The following BUB1 variants were observed in gnomAD, a reference collection of about 807,000 sequenced individuals.
BUB1 encodes the protein mitotic checkpoint serine/threonine-protein kinase BUB1.
A neutral mutation model predicts 135.2 loss-of-function variants in BUB1; 84 were observed. The ratio of observed to expected loss-of-function variants is 0.62; its 90% CI spans 0.52 to 0.74. BUB1 has a LOEUF of 0.74. Ranked by LOEUF, BUB1 falls within the 30% of genes least tolerant of loss-of-function variation. The pLI, the probability that BUB1 is intolerant of heterozygous loss-of-function variation, is 0.00. For synonymous variants in BUB1, 403 were observed against 434.4 expected (o/e 0.93, Z 0.90); for missense variants, 1,162 against 1,288.3 (o/e 0.90, Z 1.50).
In BUB1 at chr2:110,638,159, C is replaced by A; in HGVS notation, c.3063G>T (p.Arg1021Ser). 4.4e-6 allele frequency: 7 copies of A among 1,585,954 alleles called. No homozygotes were observed. The highest frequency in any genetic ancestry group is 1.2e-5 in the South Asian group (1 of 86,336). Reference sequence around the variant, plus strand: ...CATTCCACATATCCAAATGAGGAAGCCTGAAAAAGACAAAGCATAAATAAT... The same window carrying A: ...CATTCCACATATCCAAATGAGGAAGACTGAAAAAGACAAAGCATAAATAAT... ...GECKPEGLFR[R>S]LPHLDMWNEF... is the part of the protein sequence containing the mutation. Residue 1021 changes from arginine to serine, a missense_variant and splice_region_variant, in exon 25 of 25, where the codon AGG (arginine) becomes AGT (serine). Physicochemically the swap from Arg to Ser is moderately radical, Grantham distance 110. Transcript: ENST00000302759.
In BUB1 at chr2:110,637,571, G is replaced by C. The variant is rs148892328; in HGVS notation, c.*393C>G. 1,652 of 150,940 alleles carry C rather than the reference G, an allele frequency of 0.011. 116 individuals carry two copies. The highest frequency in any genetic ancestry group is 0.1 in the Admixed American group (1,457 of 14,304). The allele number at this position is 150,940 out of a possible 1,614,324, so 9.4% of individuals were successfully genotyped here. On this transcript the variant is annotated 3_prime_UTR_variant, in exon 25 of 25. Coordinates refer to ENST00000302759, the MANE Select transcript of BUB1 (RefSeq NM_004336.5). Reference sequence around the variant, plus strand: ...TATTCATAAAAACTTGAAGTCCCTTGGAAATGTTAGGGAAGTGTGTGTGTG... The same window carrying C: ...TATTCATAAAAACTTGAAGTCCCTTCGAAATGTTAGGGAAGTGTGTGTGTG...
rs747685408 is a variant in BUB1 at position 110,657,579 on chromosome 2, T to C, written c.1583A>G (p.His528Arg). The change falls in exon 14 of 25, where the codon CAT (histidine) becomes CGT (arginine). Residue 528 changes from histidine (H) to arginine (R), a missense_variant. By Grantham distance (29) the His-to-Arg change is conservative. Transcript: ENST00000302759. ...TTCTTTGTTTCCATCTTCAAACACA[T>C]GAAAAGCAGATGACAAAGAAGAGAT... Reference protein sequence around the residue: ...KIISSLSSAFHVFEDGNKENY... With the variant: ...KIISSLSSAFRVFEDGNKENY... 3 of 1,608,610 alleles carry C rather than the reference T, an allele frequency of 1.9e-6. No individual in the cohort carries two copies. The highest frequency in any genetic ancestry group is 2.5e-6 in the Non-Finnish European group (3 of 1,177,474).
At position 110,641,652 on chromosome 2, in the gene BUB1, C is replaced by T; in HGVS notation, c.2615G>A (p.Gly872Glu). ...AAAATGAATACTTACTAATAATGTT[C>T]CATAGCTGTAGAGCTCTCCTACTAA... ...SVLVGELYSY[G>E]TLLNAINLYK... The change falls in exon 21 of 25, where the codon GGA (glycine) becomes GAA (glutamate). Residue 872 changes from glycine to glutamate, a missense_variant. Coordinates refer to ENST00000302759, the MANE Select transcript of BUB1 (RefSeq NM_004336.5). 2 of 1,610,640 alleles carry T rather than the reference C, an allele frequency of 1.2e-6. No homozygotes were observed. The highest frequency in any genetic ancestry group is 2.2e-5 in the South Asian group (2 of 90,304).
At chr2:110,670,592 CA>C (rs1471720223) in intron 4 of BUB1, 24 bp from the exon 5 acceptor site, 2 of 1,611,872 alleles carry the variant, frequency 1.2e-6, no homozygotes, top group African/African-American at 2.7e-5. Context: ...GAAAAGGCAT[CA>C]ATGTAGATTA....
At chr2:110,663,258 C>A (rs1017860570) in intron 9 of BUB1, among the ~76,000 whole-genome samples, 2 of 151,734 alleles carry the variant, frequency 1.3e-5, no homozygotes, top group African/African-American at 4.8e-5. Context: ...CCAGCCTGGG[C>A]GATAGTGGGA....
intron 9 of BUB1, 160 bp from the exon 10 acceptor site, chr2:110,662,001 A>C (rs1690113523): frequency 1.2e-6 from 1 of 820,766 alleles, no homozygotes; most frequent in African/African-American, 1.7e-5. Context: ...TGAAATGTAC[A>C]GTCAACAACA....
chr2:110,642,973 T>C (rs1457830429), intron 19 of BUB1, among the ~76,000 whole-genome samples: 1 of 152,126 alleles, frequency 6.6e-6, no homozygotes, highest in Non-Finnish European at 1.5e-5. Context: ...ATTACAGGAG[T>C]GAGCTAACAC....
At position 110,667,549 on chromosome 2, in the gene BUB1, G is replaced by A. The variant is rs983414854; in HGVS notation, c.777C>T (p.Tyr259=). The A allele has an allele frequency of 6.8e-6, 11 of 1,613,446 alleles. No homozygotes were observed. Among genetic ancestry groups the A allele is most frequent in the Non-Finnish European group, 8.5e-6 (10 of 1,179,830 alleles). The change falls in exon 8 of 25, where the codon TAC becomes TAT. Residue 259 remains tyrosine (Y), a synonymous_variant. Transcript: ENST00000302759. Reference sequence around the variant, plus strand: ...ATTGCTCATGCTTTCTCCGTTGATTGTATTTCTGGGCTCTCAATTCTTCAA... The same window carrying A: ...ATTGCTCATGCTTTCTCCGTTGATTATATTTCTGGGCTCTCAATTCTTCAA... ...FSFEELRAQK[Y]NQRRKHEQWV... is the part of the protein sequence containing the mutation.
chr2:110,671,042 T>G (rs1186185504), intron 4 of BUB1, among the ~76,000 whole-genome samples: 1 of 152,218 alleles, frequency 6.6e-6, no homozygotes, highest in African/African-American at 2.4e-5. Flanking sequence ...TCATGGCATA[T>G]TTCATTTTCA....
At chr2:110,649,106 G>C in intron 19 of BUB1, 128 bp downstream of exon 19, 1 of 845,382 alleles carries the variant, frequency 1.2e-6, no homozygotes, top group South Asian at 2.3e-5. Context: ...TAGTATTACA[G>C]ATACAACTCC....
rs541987162 is a variant in BUB1, at chr2:110,644,984, G to A, written c.2348-2750C>T. On this transcript the variant is annotated intron_variant, in intron 19 of 24. Transcript: ENST00000302759. The stretch of plus-strand genomic sequence containing the variant: ...ATGAAAGAACTCAAAATCAGAGAAG[G>A]AAGAAAGAGAATAGCAGACAAAGAA... Among the ~76,000 whole-genome samples, 26 of 152,226 alleles carry A rather than the reference G, an allele frequency of 1.7e-4. No individual in the cohort carries two copies. In the South Asian group the frequency reaches 5.2e-3, roughly 30 times the overall value.
In BUB1 at chr2:110,666,424, A is replaced by G; in HGVS notation, c.806-10T>C. 7.3e-7 allele frequency: 1 copy of G among 1,374,540 alleles called. No individual in the cohort carries two copies. Among genetic ancestry groups the G allele is most frequent in the South Asian group, 2.1e-5 (1 of 48,308 alleles). 85.1% of individuals were successfully genotyped at this position (1,374,540 alleles called of 1,614,324 possible). A position where few individuals can be genotyped will look rare whatever the true frequency, so the allele number is the denominator to read the frequency against. Reference sequence around the variant, plus strand: ...TGTCTGTCTTCATTTACTTTAGGAAAGATAGAAATGGTTTGCATGCAAAAT... The same window carrying G: ...TGTCTGTCTTCATTTACTTTAGGAAGGATAGAAATGGTTTGCATGCAAAAT... On this transcript the variant is annotated splice_polypyrimidine_tract_variant and intron_variant, in intron 8 of 24. Coordinates refer to ENST00000302759, the MANE Select transcript of BUB1 (RefSeq NM_004336.5).
At position 110,659,866 on chromosome 2, in the gene BUB1, A is replaced by T. The variant is rs559063234; in HGVS notation, c.1276+112T>A. ...CTATACTCTAAGAATAGGAAATCTAACACTCAGGTTCATTAAGGCCTGAAG... is the reference window on the plus strand; with the variant it reads ...CTATACTCTAAGAATAGGAAATCTATCACTCAGGTTCATTAAGGCCTGAAG... On this transcript the variant is annotated intron_variant, in intron 11 of 24. Transcript: ENST00000302759. 5.3e-5 allele frequency: 36 copies of T among 684,766 alleles called. No individual in the cohort carries two copies. In the South Asian group the frequency reaches 8.8e-4, roughly 17 times the overall value. The allele number at this position is 684,766 out of a possible 1,614,324, so 42.4% of individuals were successfully genotyped here.
At chr2:110,653,350 T>G in intron 17 of BUB1, 86 bp downstream of exon 17, 1 of 1,433,356 alleles carries the variant, frequency 7.0e-7, no homozygotes. Context: ...TATTACAGCC[T>G]AAAAGGCAAA....
intron 9 of BUB1, among the ~76,000 whole-genome samples, chr2:110,663,612 AAGG>A (rs1690157640): frequency 6.6e-6 from 1 of 152,234 alleles, no homozygotes; most frequent in South Asian, 2.1e-4. Flanking sequence ...ATAGCTGTTG[AAGG>A]AGGCTAGGAG....
At position 110,658,399 on chromosome 2, in the gene BUB1, A is replaced by G; in HGVS notation, c.1516+11T>C. 1 of 1,596,298 alleles carries G rather than the reference A, an allele frequency of 6.3e-7. No homozygotes were observed. Among genetic ancestry groups the G allele is most frequent in the Non-Finnish European group, 8.6e-7 (1 of 1,166,494 alleles). On this transcript the variant is annotated intron_variant, in intron 13 of 24. Coordinates refer to ENST00000302759, the MANE Select transcript of BUB1 (RefSeq NM_004336.5). ...ATGCTATGCACTTAGTAGCTTTTAA[A>G]TAGTTATTACTTTGAAACTGGGCTT...
chr2:110,664,919 T>C (rs1690203636), intron 9 of BUB1, among the ~76,000 whole-genome samples: 1 of 152,208 alleles, frequency 6.6e-6, no homozygotes, highest in Non-Finnish European at 1.5e-5. Flanking sequence ...AGATTTAGTA[T>C]AGTTAATGTT....
chr2:110,641,323 A>T lies in BUB1; in HGVS notation c.2767T>A (p.Phe923Ile). The part of the protein sequence containing the change: ...IIHGDIKPDN[F>I]ILGNGFLEQD... ...AACACTTGCCCGTTTCCAAGTATGA[A>T]ATTGTCTGGTTTAATGTCTCCATGA... is the stretch of plus-strand genomic sequence containing the variant. The change falls in exon 22 of 25, where the codon TTC becomes ATC. Residue 923 changes from phenylalanine to isoleucine, a missense_variant. Coordinates refer to ENST00000302759, the MANE Select transcript of BUB1 (RefSeq NM_004336.5). The T allele has an allele frequency of 6.2e-7, 1 of 1,608,570 alleles. No homozygotes were observed. Among genetic ancestry groups the T allele is most frequent in the Non-Finnish European group, 8.5e-7 (1 of 1,177,592 alleles).
chr2:110,675,835 G>A (rs1009973426), intron 1 of BUB1, among the ~76,000 whole-genome samples: 1 of 151,894 alleles, frequency 6.6e-6, no homozygotes, highest in Non-Finnish European at 1.5e-5. Context: ...ATTTTTTGCC[G>A]AGATGAGGTA....
Sources: allele counts gnomAD v4.1 joint callset (sites outside exome capture counted in the v4.1 genomes callset), GRCh38; gene constraint gnomAD v4.1.1; transcripts MANE v1.5; gene names NCBI Gene and HGNC (gene_info 2026-07-23, HGNC 2026-07-21).